Variants in ACSL5 observed in about 807,000 individuals in gnomAD.
The protein encoded by ACSL5 is long-chain-fatty-acid--CoA ligase 5.
A neutral mutation model predicts 84.9 loss-of-function variants in ACSL5; 50 were observed. The observed-to-expected ratio is 0.59, with a 90% CI of 0.47 to 0.75. ACSL5 has a LOEUF of 0.75. Ranked by LOEUF, ACSL5 falls within the 30% of genes least tolerant of loss-of-function variation. The pLI is 0.00. For synonymous variants in ACSL5, 280 were observed against 300.7 expected (o/e 0.93, Z 0.71); for missense variants, 775 against 830.4 (o/e 0.93, Z 0.82).
chr10:112,380,415 ACC>A (rs1849326419), intron 1 of ACSL5, among the ~76,000 whole-genome samples: 2 of 151,816 alleles, frequency 1.3e-5, no homozygotes, highest in African/African-American at 4.8e-5. Flanking sequence ...GGCCCCACAC[ACC>A]ATCTCATTCA....
In ACSL5 at chr10:112,421,934, C is replaced by G. The variant is rs375774044; in HGVS notation, c.1388-13C>G. ...CAAGAGTTTCTCAGCTAATTCAGCA[C>G]GGTATGTTCTAGGTCACGTTGGGGT... is the stretch of plus-strand genomic sequence containing the variant. On this transcript the variant is annotated splice_polypyrimidine_tract_variant and intron_variant, in intron 15 of 20. Coordinates refer to ENST00000354655, the MANE Select transcript of ACSL5 (RefSeq NM_203379.2). 6.2e-7 allele frequency: 1 copy of G among 1,613,150 alleles called. No individual in the cohort carries two copies. Among genetic ancestry groups the G allele is most frequent in the Non-Finnish European group, 8.5e-7 (1 of 1,179,144 alleles).
At chr10:112,389,617 G>A (rs1394904330) in intron 1 of ACSL5, among the ~76,000 whole-genome samples, 5 of 152,146 alleles carry the variant, frequency 3.3e-5, no homozygotes, top group Admixed American at 2.6e-4. Context: ...TGCCAGTCAC[G>A]CCCACTGCTT....
intron 12 of ACSL5, 116 bp from the exon 13 acceptor site, chr10:112,416,772 T>A: frequency 8.7e-7 from 1 of 1,148,008 alleles, no homozygotes; most frequent in Admixed American, 2.0e-5. Flanking sequence ...AATTCATGAC[T>A]GTGAGACTGT....
In ACSL5 at chr10:112,386,571, A is replaced by T. The variant is rs574630490; in HGVS notation, c.-29-8347A>T. Among the ~76,000 whole-genome samples, 1,077 of 152,072 alleles carry T rather than the reference A, an allele frequency of 7.1e-3. 15 individuals carry two copies. Among genetic ancestry groups the T allele is most frequent in the African/African-American group, 0.025 (1,022 of 41,490 alleles). The stretch of plus-strand genomic sequence containing the variant: ...GTCTGCCACCTACCCAATTCCTGCT[A>T]TTTTTCAAAATTGTTTCACTCTTTG... On this transcript the variant is annotated intron_variant, in intron 1 of 20. Transcript: ENST00000354655.
chr10:112,385,175 T>A (rs1849425528), intron 1 of ACSL5, among the ~76,000 whole-genome samples: 1 of 152,228 alleles, frequency 6.6e-6, no homozygotes, highest in Non-Finnish European at 1.5e-5. Context: ...ATCCATTAAC[T>A]CTTTTAATCA....
rs1844156364 is a variant in ACSL5, at chr10:112,410,632, A to T, written c.793A>T (p.Thr265Ser). Residue 265 changes from threonine to serine, a missense_variant, in exon 9 of 21, where the codon ACA (threonine) becomes TCA (serine). Physicochemically the swap from Thr to Ser is moderately conservative, Grantham distance 58. Transcript: ENST00000354655. Reference protein sequence around the residue: ...LSVICFTSGTTGDPKGAMITH... With the variant: ...LSVICFTSGTSGDPKGAMITH... ...CGTCATCTGCTTCACCAGTGGGACC[A>T]CAGGTCTGTGCCCATGAAACTGAAC... 1 of 1,613,240 alleles carries T rather than the reference A, an allele frequency of 6.2e-7. No homozygotes were observed. The highest frequency in any genetic ancestry group is 1.3e-5 in the African/African-American group (1 of 74,862).
At chr10:112,381,665 CAAA>C (rs35097669) in intron 1 of ACSL5, among the ~76,000 whole-genome samples, 22 of 104,782 alleles carry the variant, frequency 2.1e-4, no homozygotes, top group African/African-American at 4.8e-4. Context: ...GAGACTGTCT[CAAA>C]AAAAAAAAAA....
chr10:112,384,336 C>A (rs530504087), intron 1 of ACSL5, among the ~76,000 whole-genome samples: 1 of 152,098 alleles, frequency 6.6e-6, no homozygotes, highest in African/African-American at 2.4e-5. Flanking sequence ...TGCAATCTCA[C>A]GAGGGCAGGG....
At chr10:112,412,976 C>G (rs188988103) in intron 11 of ACSL5, among the ~76,000 whole-genome samples, 197 bp from the exon 12 acceptor site, 1 of 152,290 alleles carries the variant, frequency 6.6e-6, no homozygotes, top group Admixed American at 6.5e-5. Flanking sequence ...GGAAGGTTCT[C>G]AGAGTCCTGA....
intron 7 of ACSL5, 29 bp from the exon 8 acceptor site, chr10:112,410,434 C>T (rs555120379): frequency 3.2e-5 from 52 of 1,613,854 alleles, no homozygotes; most frequent in Non-Finnish European, 4.2e-5. Flanking sequence ...CAACTAATGT[C>T]TTTCTTTCTT....
intron 10 of ACSL5, 98 bp downstream of exon 10, chr10:112,411,627 TAC>T (rs3831106): frequency 0.034 from 25,433 of 737,564 alleles, 19 homozygotes; most frequent in African/African-American, 0.046. Flanking sequence ...CACACACACA[TAC>T]ACACACACAC....
intron 1 of ACSL5, among the ~76,000 whole-genome samples, chr10:112,388,914 C>T (rs1408234833): frequency 6.6e-6 from 1 of 152,090 alleles, no homozygotes; most frequent in African/African-American, 2.4e-5. Flanking sequence ...CAGAGGCTTC[C>T]AGATGGGAAC....
At chr10:112,407,570 T>C (rs192764836) in intron 5 of ACSL5, among the ~76,000 whole-genome samples, 1 of 152,096 alleles carries the variant, frequency 6.6e-6, no homozygotes, top group East Asian at 2.0e-4. Context: ...TCAAACAGTA[T>C]GAGGGTAACC....
chr10:112,389,428 G>A (rs531440100), intron 1 of ACSL5, among the ~76,000 whole-genome samples: 4 of 152,292 alleles, frequency 2.6e-5, no homozygotes, highest in African/African-American at 9.6e-5. Context: ...GTCAAAAAGT[G>A]GAGTAAGCCT....
intron 12 of ACSL5, among the ~76,000 whole-genome samples, chr10:112,413,747 TA>T (rs1471538645): frequency 2.0e-5 from 3 of 151,786 alleles, no homozygotes; most frequent in Non-Finnish European, 1.5e-5. Context: ...AAAATAAAAT[TA>T]AAAAATGAAA....
At chr10:112,399,983 A>C (rs1164630690) in intron 3 of ACSL5, among the ~76,000 whole-genome samples, 1 of 152,214 alleles carries the variant, frequency 6.6e-6, no homozygotes, top group African/African-American at 2.4e-5. Context: ...TTAGCTCGTA[A>C]GTGTTTTATA....
chr10:112,376,624 C>G (rs1450398565), intron 1 of ACSL5, among the ~76,000 whole-genome samples: 1 of 152,000 alleles, frequency 6.6e-6, no homozygotes, highest in Admixed American at 6.6e-5. Flanking sequence ...GCCTTCAGAC[C>G]CTGTGTCAGG....
intron 2 of ACSL5, 64 bp from the exon 3 acceptor site, chr10:112,398,837 A>T: frequency 7.2e-7 from 1 of 1,383,418 alleles, no homozygotes; most frequent in Admixed American, 1.7e-5. Context: ...AATTCAATTC[A>T]TAAAGGTTTT....
At position 112,411,209 on chromosome 10, in the gene ACSL5, G is replaced by A. The variant is rs1012928069; in HGVS notation, c.797-247G>A. ...AACTTGAATTTTTCTTTGCAGCTGT[G>A]CTTCTATCTGAAATCATGGCTGTGC... On this transcript the variant is annotated intron_variant, in intron 9 of 20. Transcript: ENST00000354655. 4.6e-5 allele frequency among the ~76,000 whole-genome samples: 7 copies of A among 152,148 alleles called. 1 individual carries two copies. The highest frequency in any genetic ancestry group is 2.6e-4 in the Admixed American group (4 of 15,268).
Sources: allele counts gnomAD v4.1 joint callset (sites outside exome capture counted in the v4.1 genomes callset), GRCh38; gene constraint gnomAD v4.1.1; transcripts MANE v1.5; gene names NCBI Gene and HGNC (gene_info 2026-07-23, HGNC 2026-07-21).